The following STAU2 variants were observed in gnomAD, a reference collection of about 807,000 sequenced individuals.
STAU2 encodes the protein double-stranded RNA-binding protein Staufen homolog 2.
Under a neutral mutation model 65.9 loss-of-function variants are expected in STAU2, and 20 were observed. That is an observed-to-expected ratio of 0.30 (90% CI 0.21 to 0.44). STAU2 has a LOEUF of 0.44. Ranked by LOEUF, STAU2 falls within the 20% of genes least tolerant of loss-of-function variation. STAU2 has a pLI of 1.00. For missense variants in STAU2, 558 were observed against 683.9 expected (o/e 0.82, Z 2.05); for synonymous variants, 232 against 233.9 (o/e 0.99, Z 0.07).
In STAU2 at chr8:73,553,415, A is replaced by G. The variant is rs182668961; in HGVS notation, c.1223-1096T>C. On this transcript the variant is annotated intron_variant, in intron 12 of 14. Transcript: ENST00000524300. ...AATGTGTTCTATAACATGGTCCCCAAATAAAATGGTTCCATAAATAAAAAC... is the reference window on the plus strand; with the variant it reads ...AATGTGTTCTATAACATGGTCCCCAGATAAAATGGTTCCATAAATAAAAAC... 1.4e-3 allele frequency among the ~76,000 whole-genome samples: 218 copies of G among 152,322 alleles called. 2 individuals carry two copies. The highest frequency in any genetic ancestry group is 5.2e-3 in the African/African-American group (216 of 41,582).
intron 13 of STAU2, among the ~76,000 whole-genome samples, chr8:73,506,256 C>T (rs533446922): frequency 3.9e-5 from 6 of 152,232 alleles, no homozygotes; most frequent in African/African-American, 1.4e-4. Context: ...CACAAAAGTT[C>T]CCCTGTGCAC....
At chr8:73,519,112 C>T (rs1434337104) in intron 13 of STAU2, among the ~76,000 whole-genome samples, 4 of 152,010 alleles carry the variant, frequency 2.6e-5, no homozygotes, top group Admixed American at 6.6e-5. Context: ...GTGATTATAC[C>T]CAATCTTTCC....
At chr8:73,467,594 G>T (rs1450820336) in intron 13 of STAU2, among the ~76,000 whole-genome samples, 1 of 152,110 alleles carries the variant, frequency 6.6e-6, no homozygotes, top group Non-Finnish European at 1.5e-5. Flanking sequence ...TCTAAGGTGG[G>T]GTGGGAAAGA....
intron 3 of STAU2, among the ~76,000 whole-genome samples, chr8:73,725,690 G>A (rs1425761489): frequency 6.6e-6 from 1 of 152,178 alleles, no homozygotes; most frequent in Admixed American, 6.5e-5. Flanking sequence ...CCAGCCCTTT[G>A]GGAGGCCGAG....
intron 13 of STAU2, among the ~76,000 whole-genome samples, chr8:73,535,315 G>A (rs967744927): frequency 3.9e-5 from 6 of 151,942 alleles, no homozygotes; most frequent in South Asian, 2.1e-4. Context: ...GACTACAGGC[G>A]CCCACCACCA....
At chr8:73,571,252 C>A (rs1809062809) in intron 12 of STAU2, among the ~76,000 whole-genome samples, 3 of 151,922 alleles carry the variant, frequency 2.0e-5, no homozygotes, top group African/African-American at 7.3e-5. Flanking sequence ...AAAGCAAGAC[C>A]TTAGAGACCT....
In STAU2 at chr8:73,420,402, C is replaced by A. The variant is rs1816311997; in HGVS notation, c.*970G>T. The A allele has an allele frequency of 9.1e-6, 3 of 328,664 alleles. No homozygotes were observed. Among genetic ancestry groups the A allele is most frequent in the Non-Finnish European group, 1.8e-5 (3 of 163,730 alleles). The allele number at this position is 328,664 out of a possible 1,614,324, so 20.4% of individuals were successfully genotyped here. A position where few individuals can be genotyped will look rare whatever the true frequency, so the allele number is the denominator to read the frequency against. ...GAAACCAACCACATTTTTACTGCATCTGCTCCACGCTGGATTCCAACATGC... is the reference window on the plus strand; with the variant it reads ...GAAACCAACCACATTTTTACTGCATATGCTCCACGCTGGATTCCAACATGC... On this transcript the variant is annotated 3_prime_UTR_variant, in exon 15 of 15. Coordinates refer to ENST00000524300, the MANE Select transcript of STAU2 (RefSeq NM_001164380.2).
intron 6 of STAU2, among the ~76,000 whole-genome samples, chr8:73,636,601 G>C (rs984775325): frequency 6.6e-5 from 10 of 152,108 alleles, no homozygotes; most frequent in African/African-American, 2.4e-4. Flanking sequence ...GGTGGCTCAT[G>C]CCTGTAATCC....
intron 12 of STAU2, among the ~76,000 whole-genome samples, chr8:73,565,289 A>C (rs1230891970): frequency 2.0e-5 from 3 of 148,336 alleles, no homozygotes; most frequent in African/African-American, 7.7e-5. Flanking sequence ...AGTGTGTAGC[A>C]CCTCCCCTGC....
chr8:73,568,953 G>A (rs958795773), intron 12 of STAU2, among the ~76,000 whole-genome samples: 1 of 152,146 alleles, frequency 6.6e-6, no homozygotes, highest in Admixed American at 6.5e-5. Context: ...TGAGGTACCA[G>A]GTTCATCTCA....
intron 13 of STAU2, among the ~76,000 whole-genome samples, chr8:73,501,798 T>C (rs941072484): frequency 4.6e-5 from 7 of 152,058 alleles, no homozygotes; most frequent in South Asian, 2.1e-4. Context: ...TATTTGTCAA[T>C]TGCTCTTTTG....
At chr8:73,526,603 A>G (rs187082511) in intron 13 of STAU2, among the ~76,000 whole-genome samples, 1 of 152,332 alleles carries the variant, frequency 6.6e-6, no homozygotes, top group Admixed American at 6.5e-5. Context: ...AAGCTGGATT[A>G]TAGTTGTTCT....
intron 6 of STAU2, chr8:73,653,803 CAA>C: frequency 2.7e-6 from 1 of 376,452 alleles, no homozygotes; most frequent in East Asian, 9.9e-5. Context: ...TAGGAGTCTT[CAA>C]GAGAGATACA....
At chr8:73,426,005 C>A (rs564329988) in intron 13 of STAU2, among the ~76,000 whole-genome samples, 99 of 152,246 alleles carry the variant, frequency 6.5e-4, no homozygotes, top group Non-Finnish European at 1.2e-3. Flanking sequence ...GTTGGCCAGG[C>A]TGGTCTTGAA....
chr8:73,526,427 A>G (rs1026774634), intron 13 of STAU2, among the ~76,000 whole-genome samples: 1 of 152,248 alleles, frequency 6.6e-6, no homozygotes, highest in Admixed American at 6.5e-5. Flanking sequence ...TATGTCCTTA[A>G]GAATGTTTTC....
At chr8:73,541,063 T>C (rs1013532474) in intron 13 of STAU2, among the ~76,000 whole-genome samples, 4 of 152,146 alleles carry the variant, frequency 2.6e-5, no homozygotes, top group Non-Finnish European at 2.9e-5. Flanking sequence ...AATGGAAAAG[T>C]AGGCAGAAAC....
intron 5 of STAU2, among the ~76,000 whole-genome samples, chr8:73,688,365 C>T (rs564037403): frequency 7.9e-5 from 12 of 151,498 alleles, no homozygotes; most frequent in African/African-American, 2.9e-4. Context: ...AGGGTTTCAC[C>T]ATGTTGGCCA....
intron 12 of STAU2, among the ~76,000 whole-genome samples, chr8:73,573,675 G>A (rs1302787532): frequency 6.6e-6 from 1 of 152,186 alleles, no homozygotes; most frequent in Non-Finnish European, 1.5e-5. Context: ...TCAACAAATG[G>A]TGCTGGGAAA....
chr8:73,567,408 G>A (rs1237577625), intron 12 of STAU2, among the ~76,000 whole-genome samples: 4 of 152,128 alleles, frequency 2.6e-5, no homozygotes, highest in Non-Finnish European at 4.4e-5. Context: ...TCAGGAGGCT[G>A]AGGCAGAAGA....
Sources: gnomAD v4.1 joint callset for allele counts (sites outside exome capture counted in the v4.1 genomes callset) on GRCh38, gnomAD v4.1.1 for gene constraint, MANE v1.5 for transcripts, NCBI Gene and HGNC (gene_info 2026-07-23, HGNC 2026-07-21) for gene names.